The following TANC1 variants were observed in gnomAD, a reference collection of about 807,000 sequenced individuals.
TANC1 encodes the protein tetratricopeptide repeat, ankyrin repeat and coiled-coil containing 1.
In TANC1, 77 loss-of-function variants were observed where a neutral mutation model predicts 149.7. That is an observed-to-expected ratio of 0.51 (90% CI 0.43 to 0.62). The LOEUF (loss-of-function observed/expected upper bound fraction) is 0.62. TANC1 is among the 20% of genes least tolerant of loss of function. TANC1 has a pLI of 0.00. For missense variants in TANC1, 1,985 were observed against 2,321.8 expected, an observed-to-expected ratio of 0.85 and a Z score of 2.98; for synonymous variants, 854 against 925.0, an observed-to-expected ratio of 0.92 and a Z score of 1.39.
Position 159,174,942 on chromosome 2 carries a change from C to T in TANC1, c.1504-11C>T. On this transcript the variant is annotated splice_polypyrimidine_tract_variant and intron_variant, in intron 11 of 26. Transcript: ENST00000263635. The stretch of plus-strand genomic sequence containing the variant: ...GGGTGAGGTGATGCTGACGGTTCTG[C>T]TTCCCCCTAGGTGGTGGCCTACCAC... 2 of 1,610,450 alleles carry T rather than the reference C, an allele frequency of 1.2e-6. No homozygotes were observed. The highest frequency in any genetic ancestry group is 8.5e-7 in the Non-Finnish European group (1 of 1,177,184).
At chr2:158,970,282 C>T (rs1371571126) in intron 1 of TANC1, among the ~76,000 whole-genome samples, 1 of 152,120 alleles carries the variant, frequency 6.6e-6, no homozygotes, top group Non-Finnish European at 1.5e-5. Context: ...CTTCCTTGGT[C>T]ATCTTTATTC....
intron 2 of TANC1, among the ~76,000 whole-genome samples, chr2:159,059,833 C>T (rs1286045499): frequency 6.8e-6 from 1 of 147,164 alleles, no homozygotes; most frequent in Non-Finnish European, 1.5e-5. Flanking sequence ...TTTCTGTGTA[C>T]AGGGTTTTCC....
rs772734494 is a variant in TANC1 at position 159,224,283 on chromosome 2, G to A, written c.3730G>A (p.Gly1244Arg). The A allele has an allele frequency of 1.5e-5, 24 of 1,614,100 alleles. No homozygotes were observed. The highest frequency in any genetic ancestry group is 9.9e-5 in the South Asian group (9 of 91,088). Reference protein sequence around the residue: ...GAVIEHVDHSGMRPLDRAIGC... With the variant: ...GAVIEHVDHSRMRPLDRAIGC... Reference sequence around the variant, plus strand: ...CGTGATCGAGCATGTGGACCACAGCGGGATGCGGCCCTTGGACAGAGCCAT... The same window carrying A: ...CGTGATCGAGCATGTGGACCACAGCAGGATGCGGCCCTTGGACAGAGCCAT... Residue 1244 changes from glycine (G) to arginine (R), a missense_variant, in exon 23 of 27, where the codon GGG becomes AGG. Transcript: ENST00000263635.
chr2:159,094,676 A>G (rs1450980687), intron 3 of TANC1, among the ~76,000 whole-genome samples: 2 of 151,488 alleles, frequency 1.3e-5, no homozygotes, highest in African/African-American at 4.9e-5. Context: ...ACTCATGCAC[A>G]GTGCTATAAG....
chr2:159,228,927 GC>G (rs1452684570), intron 26 of TANC1, 31 bp downstream of exon 26: 4 of 1,576,030 alleles, frequency 2.5e-6, no homozygotes, highest in Non-Finnish European at 2.6e-6. Flanking sequence ...TGTGTCTAGA[GC>G]TTTTTTTCTT....
intron 13 of TANC1, among the ~76,000 whole-genome samples, chr2:159,176,990 G>C (rs1176930459): frequency 7.3e-6 from 1 of 136,776 alleles, no homozygotes; most frequent in East Asian, 2.3e-4. Flanking sequence ...GCTCAATGCA[G>C]CCTCCGCCTC....
In TANC1 at chr2:159,013,601, G is replaced by A. The variant is rs534008596; in HGVS notation, c.-16+12412G>A. 2.6e-4 allele frequency among the ~76,000 whole-genome samples: 40 copies of A among 152,224 alleles called. No individual in the cohort carries two copies. The South Asian group carries it at 3.3e-3, about 13-fold the overall frequency. Reference sequence around the variant, plus strand: ...GTAGACAGAGTTTTAGATTTCTCCCGTAACCCCAATGTGCCTGACACAGTA... The same window carrying A: ...GTAGACAGAGTTTTAGATTTCTCCCATAACCCCAATGTGCCTGACACAGTA... On this transcript the variant is annotated intron_variant, in intron 2 of 26. Transcript: ENST00000263635.
chr2:159,147,027 C>T (rs1202240435), intron 5 of TANC1, among the ~76,000 whole-genome samples: 2 of 152,174 alleles, frequency 1.3e-5, no homozygotes, highest in Admixed American at 1.3e-4. Context: ...GTTGCGGTCC[C>T]CCTGCTGCAC....
intron 1 of TANC1, among the ~76,000 whole-genome samples, chr2:158,969,250 A>C (rs2032458441): frequency 2.0e-5 from 3 of 151,958 alleles, no homozygotes; most frequent in African/African-American, 7.2e-5. Context: ...CGCGCCTGGC[A>C]CCGCGGGGTC....
At chr2:158,978,420 C>G (rs1256952740) in intron 1 of TANC1, among the ~76,000 whole-genome samples, 1 of 152,168 alleles carries the variant, frequency 6.6e-6, no homozygotes, top group Non-Finnish European at 1.5e-5. Context: ...ATGTTATTTA[C>G]AGTGCCATGT....
At chr2:159,143,062 C>CAAAAAAAAAAAAA (rs70994269) in intron 5 of TANC1, among the ~76,000 whole-genome samples, 1 of 87,350 alleles carries the variant, frequency 1.1e-5, no homozygotes. Context: ...GACTCTGTCT[C>CAAAAAAAAAAAAA]AAAAAAAAAA....
intron 2 of TANC1, among the ~76,000 whole-genome samples, chr2:159,057,204 C>T (rs1419933581): frequency 6.6e-6 from 1 of 152,230 alleles, no homozygotes; most frequent in Admixed American, 6.5e-5. Flanking sequence ...CGTGAGCCAC[C>T]ATGCCCAGCC....
intron 3 of TANC1, among the ~76,000 whole-genome samples, chr2:159,092,889 C>T (rs1401037042): frequency 1.3e-5 from 2 of 152,136 alleles, no homozygotes; most frequent in Non-Finnish European, 2.9e-5. Flanking sequence ...CAAATTAAAG[C>T]TCTTAAACGT....
chr2:159,081,831 A>G (rs1370806625), intron 3 of TANC1, among the ~76,000 whole-genome samples: 1 of 152,056 alleles, frequency 6.6e-6, no homozygotes, highest in Non-Finnish European at 1.5e-5. Context: ...CCCTGGCCCC[A>G]TGGGCCAGGC....
At chr2:159,008,012 G>A (rs1477202718) in intron 2 of TANC1, among the ~76,000 whole-genome samples, 1 of 152,152 alleles carries the variant, frequency 6.6e-6, no homozygotes, top group African/African-American at 2.4e-5. Context: ...ACGTGTTTCT[G>A]GACCTAAAAT....
At chr2:159,004,323 A>C in intron 2 of TANC1, 1 of 1,611,822 alleles carries the variant, frequency 6.2e-7, no homozygotes, top group Non-Finnish European at 8.5e-7. Context: ...AGCTAACTAA[A>C]AGTTTGGTTT....
At position 159,232,627 on chromosome 2, in the gene TANC1, C is replaced by T. The variant is rs527350708; in HGVS notation, c.*1615C>T. The T allele has an allele frequency of 6.6e-6, 1 of 152,612 alleles. No individual in the cohort carries two copies. The highest frequency in any genetic ancestry group is 2.4e-5 in the African/African-American group (1 of 41,452). 9.5% of individuals were successfully genotyped at this position (152,612 alleles called of 1,614,324 possible). ...GTTTTGTTTCTGCACAACTACTGTA[C>T]TTTTCCATATGGAATAAAGACTATT... is the stretch of plus-strand genomic sequence containing the variant. On this transcript the variant is annotated 3_prime_UTR_variant, in exon 27 of 27. Coordinates refer to ENST00000263635, the MANE Select transcript of TANC1 (RefSeq NM_033394.3).
intron 1 of TANC1, among the ~76,000 whole-genome samples, chr2:158,974,974 A>G (rs1385309837): frequency 7.8e-6 from 1 of 127,546 alleles, no homozygotes; most frequent in African/African-American, 3.0e-5. Flanking sequence ...GCTGGTCTCA[A>G]CTCTTGGTTC....
chr2:159,014,554 A>G lies in TANC1; in HGVS notation c.-16+13365A>G, dbSNP rs113106921. On this transcript the variant is annotated intron_variant, in intron 2 of 26. Coordinates refer to ENST00000263635, the MANE Select transcript of TANC1 (RefSeq NM_033394.3). The stretch of plus-strand genomic sequence containing the variant: ...TTTCAAACCAATCATTGCCTTCCCA[A>G]TAGTCCCCCACAGTCTTAACTCATT... Among the ~76,000 whole-genome samples the G allele has an allele frequency of 1.6e-4, 25 of 152,280 alleles. 1 individual carries two copies. The highest frequency in any genetic ancestry group is 6.0e-4 in the African/African-American group (25 of 41,558).
Sources: gnomAD v4.1 joint callset for allele counts (sites outside exome capture counted in the v4.1 genomes callset) on GRCh38, gnomAD v4.1.1 for gene constraint, MANE v1.5 for transcripts, NCBI Gene and HGNC (gene_info 2026-07-23, HGNC 2026-07-21) for gene names.